WNT3: variants seen among roughly 807,000 people sequenced by gnomAD.
WNT3 encodes the protein Wnt family member 3, also known as proto-oncogene Wnt-3.
WNT3 carries 7 observed loss-of-function variants against 34.2 expected under a neutral mutation model. The ratio of observed to expected loss-of-function variants is 0.20; its 90% CI spans 0.12 to 0.38. The LOEUF (loss-of-function observed/expected upper bound fraction) is 0.38, where lower values mean the gene tolerates loss of function less well. WNT3 is among the 10% of genes least tolerant of loss of function. The pLI, the probability that WNT3 is intolerant of heterozygous loss-of-function variation, is 1.00. For synonymous variants in WNT3, 212 were observed against 211.5 expected, an observed-to-expected ratio of 1.00 and a Z score of -0.02; for missense variants, 267 against 499.8, an observed-to-expected ratio of 0.53 and a Z score of 4.44.
intron 1 of WNT3, among the ~76,000 whole-genome samples, chr17:46,804,325 G>T (rs1006658394): frequency 1.3e-5 from 2 of 152,302 alleles, no homozygotes; most frequent in East Asian, 1.9e-4. Flanking sequence ...GACCTCAAGT[G>T]ATCTGCCTGC....
At chr17:46,787,545 C>G (rs2059518969) in intron 1 of WNT3, among the ~76,000 whole-genome samples, 1 of 152,238 alleles carries the variant, frequency 6.6e-6, no homozygotes, top group Admixed American at 6.5e-5. Context: ...TGCTGACTCC[C>G]AGCCAGAGCT....
intron 1 of WNT3, among the ~76,000 whole-genome samples, chr17:46,806,020 T>C (rs2084189809): frequency 6.6e-6 from 1 of 152,102 alleles, no homozygotes; most frequent in Non-Finnish European, 1.5e-5. Flanking sequence ...CTCTGCCTCC[T>C]GGGGTTGTCG....
At chr17:46,771,466 C>G (rs934336407) in intron 2 of WNT3, among the ~76,000 whole-genome samples, 6 of 149,804 alleles carry the variant, frequency 4.0e-5, no homozygotes, top group African/African-American at 1.5e-4. Flanking sequence ...GGCCCCGGGC[C>G]GCGCTGGGTT....
chr17:46,776,771 C>T (rs993154576), intron 1 of WNT3, among the ~76,000 whole-genome samples: 7 of 152,130 alleles, frequency 4.6e-5, no homozygotes, highest in Admixed American at 1.3e-4. Context: ...TGGGCTGTCC[C>T]CGCTCCTTCC....
intron 1 of WNT3, 70 bp from the exon 2 acceptor site, chr17:46,773,979 C>G: frequency 1.3e-6 from 2 of 1,564,184 alleles, no homozygotes; most frequent in South Asian, 2.3e-5. Context: ...ACCATGGCCG[C>G]TTTGTGAACC....
chr17:46,768,243 G>T lies in WNT3; in HGVS notation c.*8+69C>A. The T allele has an allele frequency of 6.2e-7, 1 of 1,602,946 alleles. No individual in the cohort carries two copies. The highest frequency in any genetic ancestry group is 1.1e-5 in the South Asian group (1 of 90,516). ...AACAGAAGGGGGTCGTCAAGAAGAC[G>T]AGATGGGCAAACAACCCCATTCCCT... On this transcript the variant is annotated intron_variant, in intron 4 of 4. Transcript: ENST00000225512. The surrounding 1 kb of genome is among the most constrained non-coding windows in gnomAD (Gnocchi z 5.0).
chr17:46,771,698 G>A (rs932433628), intron 2 of WNT3, among the ~76,000 whole-genome samples: 130 of 143,330 alleles, frequency 9.1e-4, no homozygotes, highest in African/African-American at 3.1e-3. Context: ...TCCCGCGGCC[G>A]GGCCGCGCCC....
intron 1 of WNT3, among the ~76,000 whole-genome samples, chr17:46,814,068 G>A (rs910039176): frequency 1.4e-4 from 22 of 152,124 alleles, no homozygotes; most frequent in African/African-American, 4.6e-4. Context: ...TGACCTCATC[G>A]CCAAAGGTCT....
At chr17:46,789,152 G>C (rs1194396785) in intron 1 of WNT3, among the ~76,000 whole-genome samples, 2 of 152,154 alleles carry the variant, frequency 1.3e-5, no homozygotes, top group African/African-American at 4.8e-5. Flanking sequence ...ACTCTTACCT[G>C]AACCTGGAGC....
At chr17:46,792,140 C>T (rs563902071) in intron 1 of WNT3, among the ~76,000 whole-genome samples, 5 of 152,202 alleles carry the variant, frequency 3.3e-5, no homozygotes, top group Non-Finnish European at 5.9e-5. Flanking sequence ...GATGTGTGTT[C>T]GACACAAAAG....
At chr17:46,771,506 G>T (rs890947889) in intron 2 of WNT3, among the ~76,000 whole-genome samples, 2 of 149,362 alleles carry the variant, frequency 1.3e-5, no homozygotes, top group African/African-American at 4.9e-5. Context: ...GGGCGGCGGG[G>T]GCGGGGCGGG....
At chr17:46,773,339 C>T (rs1252700521) in intron 2 of WNT3, among the ~76,000 whole-genome samples, 1 of 152,090 alleles carries the variant, frequency 6.6e-6, no homozygotes, top group Non-Finnish European at 1.5e-5. Context: ...CACCCCAAAG[C>T]GGTATTTGCA....
chr17:46,791,686 C>T (rs931078107), intron 1 of WNT3, among the ~76,000 whole-genome samples: 11 of 152,228 alleles, frequency 7.2e-5, no homozygotes, highest in East Asian at 1.9e-4. Flanking sequence ...ATTCTACTTA[C>T]ATTCATCACA....
At chr17:46,800,067 G>A (rs906209089) in intron 1 of WNT3, among the ~76,000 whole-genome samples, 1 of 152,118 alleles carries the variant, frequency 6.6e-6, no homozygotes, top group Non-Finnish European at 1.5e-5. Context: ...AGCCTGCTTG[G>A]GAAGGAGTCT....
chr17:46,785,781 GA>G (rs1393666997), intron 1 of WNT3, among the ~76,000 whole-genome samples: 1 of 152,190 alleles, frequency 6.6e-6, no homozygotes, highest in Non-Finnish European at 1.5e-5. Flanking sequence ...TCAGAGGGAA[GA>G]GGCTGCGGGC....
intron 1 of WNT3, among the ~76,000 whole-genome samples, chr17:46,800,705 T>C (rs1568091778): frequency 1.3e-5 from 2 of 152,170 alleles, no homozygotes; most frequent in Non-Finnish European, 2.9e-5. Context: ...TCCCACAACC[T>C]GTCTTTGAGG....
intron 4 of WNT3, among the ~76,000 whole-genome samples, chr17:46,767,097 C>A (rs1046781412): frequency 6.6e-6 from 1 of 152,124 alleles, no homozygotes; most frequent in African/African-American, 2.4e-5. Flanking sequence ...GAAGAAAGGG[C>A]ACCCCAGCCT....
At chr17:46,799,362 G>A (rs1292160880) in intron 1 of WNT3, among the ~76,000 whole-genome samples, 4 of 151,958 alleles carry the variant, frequency 2.6e-5, no homozygotes, top group South Asian at 2.1e-4. Context: ...GCCTGGGAGA[G>A]AATATTTTTA....
At chr17:46,818,029 T>C (rs1376691021) in intron 1 of WNT3, among the ~76,000 whole-genome samples, 1 of 151,564 alleles carries the variant, frequency 6.6e-6, no homozygotes, top group Non-Finnish European at 1.5e-5. Context: ...GGGTCTGAAA[T>C]AGGAAGGCAA....
Sources: allele counts gnomAD v4.1 joint callset (sites outside exome capture counted in the v4.1 genomes callset), GRCh38; gene constraint gnomAD v4.1.1; non-coding constraint Gnocchi (gnomAD v3.1); transcripts MANE v1.5; gene names NCBI Gene and HGNC (gene_info 2026-07-23, HGNC 2026-07-21).